Variants in GPC6 observed in about 807,000 individuals in gnomAD.
GPC6 encodes glypican-6.
Under a neutral mutation model 55.2 loss-of-function variants are expected in GPC6, and 14 were observed. The observed-to-expected ratio is 0.25, with a 90% CI of 0.17 to 0.40. GPC6 has a LOEUF of 0.40. GPC6 is among the 10% of genes least tolerant of loss of function. The probability of loss-of-function intolerance (pLI) is 1.00; values close to 1 mark genes in which losing one functional copy is unlikely to be tolerated. For synonymous variants in GPC6, 278 were observed against 259.6 expected (o/e 1.07, Z -0.68); for missense variants, 641 against 708.5 (o/e 0.90, Z 1.08).
chr13:94,067,986 A>T (rs980422732), intron 4 of GPC6, among the ~76,000 whole-genome samples: 5 of 152,204 alleles, frequency 3.3e-5, no homozygotes, highest in Non-Finnish European at 7.3e-5. Flanking sequence ...GCACTTCATG[A>T]ATTATTTTTA....
intron 4 of GPC6, among the ~76,000 whole-genome samples, chr13:94,201,034 A>G (rs895856019): frequency 1.3e-5 from 2 of 152,218 alleles, no homozygotes; most frequent in Admixed American, 1.3e-4. Flanking sequence ...AAGTAAATGA[A>G]GATGCTCCTT....
At chr13:93,587,239 T>C (rs1044282409) in intron 2 of GPC6, among the ~76,000 whole-genome samples, 23 of 152,070 alleles carry the variant, frequency 1.5e-4, no homozygotes, top group Non-Finnish European at 5.9e-5. Flanking sequence ...TTACCCCTAA[T>C]AAAGTAGAGA....
chr13:93,576,339 A>T (rs565841954), intron 2 of GPC6, among the ~76,000 whole-genome samples: 41 of 152,278 alleles, frequency 2.7e-4, no homozygotes, highest in Non-Finnish European at 1.3e-4. Context: ...CACAATACAA[A>T]ATTTTATATT....
At chr13:93,596,744 A>G (rs7335410) in intron 2 of GPC6, among the ~76,000 whole-genome samples, 5 of 148,278 alleles carry the variant, frequency 3.4e-5, no homozygotes, top group Admixed American at 6.8e-5. Context: ...GCATATATAT[A>G]TGTGTATATA....
At chr13:93,401,852 A>G (rs148794951) in intron 1 of GPC6, among the ~76,000 whole-genome samples, 17 of 152,018 alleles carry the variant, frequency 1.1e-4, no homozygotes, top group Non-Finnish European at 2.2e-4. Flanking sequence ...CACTAGTCAG[A>G]TAGAGTAGGT....
intron 2 of GPC6, among the ~76,000 whole-genome samples, chr13:93,797,289 A>G (rs1886227385): frequency 6.6e-6 from 1 of 152,190 alleles, no homozygotes; most frequent in South Asian, 2.1e-4. Flanking sequence ...AAATATGTAT[A>G]ATTTCTTATG....
At chr13:94,007,885 A>G (rs1882084342) in intron 3 of GPC6, among the ~76,000 whole-genome samples, 1 of 152,146 alleles carries the variant, frequency 6.6e-6, no homozygotes, top group Admixed American at 6.5e-5. Flanking sequence ...TTTTAAGGAA[A>G]CAATTCAGAT....
Position 93,766,437 on chromosome 13 carries a change from A to G in GPC6, c.320-63717A>G, listed in dbSNP as rs1419906464. 3.9e-5 allele frequency among the ~76,000 whole-genome samples: 6 copies of G among 152,180 alleles called. No individual in the cohort carries two copies. The East Asian group carries it at 9.6e-4, about 24-fold the overall frequency. On this transcript the variant is annotated intron_variant, in intron 2 of 8. Transcript: ENST00000377047. ...AATAGCATTGTGCCCATCGTTAACA[A>G]TACTATATTGTGCATTTAAAATTTT...
chr13:93,752,096 A>AT (rs1324897490), intron 2 of GPC6, among the ~76,000 whole-genome samples: 2 of 152,146 alleles, frequency 1.3e-5, no homozygotes, highest in Non-Finnish European at 2.9e-5. Context: ...TCTGATTGTA[A>AT]TGTTGTGATT....
At chr13:93,832,889 A>T (rs1887573235) in intron 3 of GPC6, among the ~76,000 whole-genome samples, 1 of 152,168 alleles carries the variant, frequency 6.6e-6, no homozygotes. Flanking sequence ...TTTGCAGAAC[A>T]ATTGCTGTGG....
intron 4 of GPC6, among the ~76,000 whole-genome samples, chr13:94,202,936 G>T (rs1390765496): frequency 1.3e-5 from 2 of 151,972 alleles, no homozygotes; most frequent in Admixed American, 1.3e-4. Flanking sequence ...TCCATGAAAG[G>T]TAGAAAATTT....
chr13:93,243,711 G>A (rs1876510920), intron 1 of GPC6, among the ~76,000 whole-genome samples: 2 of 152,186 alleles, frequency 1.3e-5, no homozygotes. Flanking sequence ...CTGGGCATGT[G>A]AGCGGGCTCA....
At chr13:93,295,039 G>T (rs572463985) in intron 1 of GPC6, among the ~76,000 whole-genome samples, 98 of 150,442 alleles carry the variant, frequency 6.5e-4, no homozygotes, top group Admixed American at 3.3e-4. Flanking sequence ...GGGAAGCCTA[G>T]GTGGGCAGAT....
chr13:93,312,032 C>T (rs1194239832), intron 1 of GPC6, among the ~76,000 whole-genome samples: 2 of 152,122 alleles, frequency 1.3e-5, no homozygotes, highest in East Asian at 1.9e-4. Flanking sequence ...TAATAAACAA[C>T]TCATTAGGAA....
chr13:93,548,309 G>A (rs1566417657), intron 2 of GPC6, among the ~76,000 whole-genome samples: 1 of 152,064 alleles, frequency 6.6e-6, no homozygotes, highest in African/African-American at 2.4e-5. Flanking sequence ...AAAAACCACT[G>A]CTTAATTAAA....
chr13:93,573,043 T>C (rs1271933716), intron 2 of GPC6, among the ~76,000 whole-genome samples: 5 of 152,028 alleles, frequency 3.3e-5, no homozygotes, highest in African/African-American at 4.8e-5. Context: ...TTTCAAGTCA[T>C]AATAGCAAGA....
intron 5 of GPC6, among the ~76,000 whole-genome samples, chr13:94,303,960 G>T (rs1318615864): frequency 6.6e-6 from 1 of 152,144 alleles, no homozygotes; most frequent in Non-Finnish European, 1.5e-5. Flanking sequence ...TGAAATCTCA[G>T]CAAGGCCGTT....
At chr13:93,553,659 C>T (rs868542666) in intron 2 of GPC6, among the ~76,000 whole-genome samples, 4 of 132,486 alleles carry the variant, frequency 3.0e-5, no homozygotes, top group Non-Finnish European at 6.1e-5. Context: ...TGTGCCATTG[C>T]ACTCCAGCCT....
At chr13:94,087,115 C>A (rs1566387033) in intron 4 of GPC6, among the ~76,000 whole-genome samples, 1 of 152,168 alleles carries the variant, frequency 6.6e-6, no homozygotes, top group Non-Finnish European at 1.5e-5. Flanking sequence ...AAGAAAGCTC[C>A]AATCCCACAT....
Sources: allele counts gnomAD v4.1 joint callset (sites outside exome capture counted in the v4.1 genomes callset), GRCh38; gene constraint gnomAD v4.1.1; transcripts MANE v1.5; gene names NCBI Gene and HGNC (gene_info 2026-07-23, HGNC 2026-07-21).